The following DPYD variants were observed in gnomAD, a reference collection of about 807,000 sequenced individuals.
DPYD encodes dihydropyrimidine dehydrogenase.
DPYD carries 109 observed loss-of-function variants against 116.2 expected under a neutral mutation model. That is an observed-to-expected ratio of 0.94 (90% CI 0.80 to 1.10). The LOEUF is 1.10. Ranked by LOEUF, DPYD falls within the 50% of genes least tolerant of loss-of-function variation. DPYD has a pLI of 0.00. For missense variants in DPYD, 1,302 were observed against 1,254.5 expected (o/e 1.04, Z -0.57); for synonymous variants, 440 against 432.0 (o/e 1.02, Z -0.23).
intron 20 of DPYD, among the ~76,000 whole-genome samples, chr1:97,159,747 TAAC>T (rs1276286094): frequency 6.6e-6 from 1 of 151,994 alleles, no homozygotes; most frequent in Non-Finnish European, 1.5e-5. Flanking sequence ...AATGGGAAAA[TAAC>T]AAAAATTAAT....
intron 2 of DPYD, among the ~76,000 whole-genome samples, chr1:97,846,169 C>T (rs763916381): frequency 2.0e-5 from 3 of 152,172 alleles, no homozygotes; most frequent in Non-Finnish European, 2.9e-5. Flanking sequence ...CAGAGGTTTC[C>T]GGCTGGTGAA....
chr1:97,519,762 C>A (rs967307721), intron 12 of DPYD, among the ~76,000 whole-genome samples: 8 of 152,094 alleles, frequency 5.3e-5, no homozygotes, highest in Admixed American at 2.0e-4. Context: ...GGCTTATGTT[C>A]TTAAGCCACC....
At chr1:97,253,788 C>A (rs933532763) in intron 18 of DPYD, among the ~76,000 whole-genome samples, 1 of 151,978 alleles carries the variant, frequency 6.6e-6, no homozygotes, top group Non-Finnish European at 1.5e-5. Flanking sequence ...AAAAATAAAC[C>A]TTTATTTTTA....
intron 18 of DPYD, among the ~76,000 whole-genome samples, chr1:97,281,605 T>C (rs749942279): frequency 1.3e-5 from 2 of 152,036 alleles, no homozygotes; most frequent in Admixed American, 1.3e-4. Context: ...TTTTCAAATA[T>C]GCAAATTTTA....
At chr1:97,810,064 A>C (rs532312367) in intron 3 of DPYD, among the ~76,000 whole-genome samples, 71 of 152,088 alleles carry the variant, frequency 4.7e-4, no homozygotes, top group Non-Finnish European at 6.6e-4. Flanking sequence ...ACGCGGGTGG[A>C]TCACGAGGTC....
At chr1:97,317,848 A>G (rs2101085515) in intron 16 of DPYD, among the ~76,000 whole-genome samples, 1 of 152,120 alleles carries the variant, frequency 6.6e-6, no homozygotes, top group South Asian at 2.1e-4. Flanking sequence ...AATTTTAAAT[A>G]ACCTATCAGA....
intron 4 of DPYD, among the ~76,000 whole-genome samples, chr1:97,736,121 T>C (rs1663927414): frequency 6.6e-6 from 1 of 152,024 alleles, no homozygotes; most frequent in South Asian, 2.1e-4. Context: ...AAATATGGAC[T>C]TAGATAAATC....
At chr1:97,206,967 C>A (rs1001687999) in intron 19 of DPYD, among the ~76,000 whole-genome samples, 3 of 151,570 alleles carry the variant, frequency 2.0e-5, no homozygotes, top group Admixed American at 6.6e-5. Context: ...TACTTCAGTG[C>A]CTAAATAACT....
chr1:97,129,887 T>C (rs1050469837), intron 20 of DPYD, among the ~76,000 whole-genome samples: 1 of 152,228 alleles, frequency 6.6e-6, no homozygotes, highest in Admixed American at 6.5e-5. Context: ...CACAGTGTGT[T>C]TTAAATAGAC....
intron 5 of DPYD, chr1:97,700,282 G>T: frequency 2.2e-6 from 1 of 455,892 alleles, no homozygotes; most frequent in African/African-American, 2.0e-5. Flanking sequence ...CAGAGTTTTG[G>T]AAATGTAGGA....
intron 1 of DPYD, among the ~76,000 whole-genome samples, chr1:97,913,461 G>A (rs1156831794): frequency 6.6e-6 from 1 of 152,144 alleles, no homozygotes; most frequent in Non-Finnish European, 1.5e-5. Flanking sequence ...ACTCTTCACA[G>A]TGGCTGAATG....
At position 97,912,204 on chromosome 1, in the gene DPYD, C is replaced by A. The variant is rs935094502; in HGVS notation, c.39+8680G>T. On this transcript the variant is annotated intron_variant, in intron 1 of 22. Transcript: ENST00000370192. ...TTCAGTTGAAGCATGCAAACGAGAA[C>A]GGCAGAACCAAAATGCACTATATAT... is the stretch of plus-strand genomic sequence containing the variant. 2.0e-5 allele frequency among the ~76,000 whole-genome samples: 3 copies of A among 151,976 alleles called. No homozygotes were observed. The South Asian group carries it at 6.2e-4, about 32-fold the overall frequency.
intron 1 of DPYD, among the ~76,000 whole-genome samples, chr1:97,895,860 T>C (rs553247923): frequency 1.3e-5 from 2 of 151,948 alleles, no homozygotes; most frequent in African/African-American, 4.8e-5. Context: ...AACAGTAGTA[T>C]TAGCTGTATA....
chr1:97,481,338 T>C (rs1228671818), intron 13 of DPYD, among the ~76,000 whole-genome samples: 1 of 152,176 alleles, frequency 6.6e-6, no homozygotes, highest in Non-Finnish European at 1.5e-5. Flanking sequence ...GATGCTATCT[T>C]ATATTATTTA....
At position 97,721,600 on chromosome 1, in the gene DPYD, TG is replaced by T; in HGVS notation, c.392del (p.Pro131GlnfsTer7). On this transcript the variant is annotated frameshift_variant, in exon 5 of 23. Coordinates refer to ENST00000370192, the MANE Select transcript of DPYD (RefSeq NM_000110.4). LOFTEE classifies it high-confidence loss of function. ...ATCCACCTACACAAAGATCAGAGGTTGGACATACCATTCCACAAGTCAGACC... is the reference window on the plus strand; with the variant it reads ...ATCCACCTACACAAAGATCAGAGGTTGACATACCATTCCACAAGTCAGACC... ...PLGLTCGMVC[P>X]TSDLCVGGCN... The T allele has an allele frequency of 6.2e-7, 1 of 1,611,972 alleles. No homozygotes were observed. Among genetic ancestry groups the T allele is most frequent in the Non-Finnish European group, 8.5e-7 (1 of 1,178,526 alleles).
intron 20 of DPYD, among the ~76,000 whole-genome samples, chr1:97,107,836 T>C (rs1394515161): frequency 6.6e-6 from 1 of 152,144 alleles, no homozygotes; most frequent in Non-Finnish European, 1.5e-5. Flanking sequence ...ATGCTCTTTA[T>C]TTATTTAAAG....
chr1:97,688,112 G>A (rs562295133), intron 7 of DPYD, among the ~76,000 whole-genome samples: 7 of 152,064 alleles, frequency 4.6e-5, no homozygotes, highest in African/African-American at 7.2e-5. Flanking sequence ...CATCCTGCAC[G>A]TGCATCCTGG....
intron 21 of DPYD, among the ~76,000 whole-genome samples, chr1:97,089,287 G>T (rs1031094716): frequency 1.3e-5 from 2 of 152,108 alleles, no homozygotes; most frequent in Non-Finnish European, 2.9e-5. Context: ...GAAAGCATTC[G>T]GGGGACTTTA....
In DPYD at chr1:97,290,846, T is replaced by G. The variant is rs1345288208; in HGVS notation, c.2299+14413A>C. Among the ~76,000 whole-genome samples the G allele has an allele frequency of 2.0e-5, 3 of 151,968 alleles. No homozygotes were observed. In the East Asian group the frequency reaches 5.8e-4, roughly 29 times the overall value. On this transcript the variant is annotated intron_variant, in intron 18 of 22. Transcript: ENST00000370192. ...CCAGAGTTAACAAATGGGATCTAAT[T>G]AAACTAAAGAGCTTCTGCACAGCAA...
Sources: gnomAD v4.1 joint callset for allele counts (sites outside exome capture counted in the v4.1 genomes callset) on GRCh38, gnomAD v4.1.1 for gene constraint, MANE v1.5 for transcripts, NCBI Gene and HGNC (gene_info 2026-07-23, HGNC 2026-07-21) for gene names.